Variants in TAS1R1 observed in about 807,000 individuals in gnomAD.
The protein encoded by TAS1R1 is taste receptor type 1 member 1.
TAS1R1 carries 31 observed loss-of-function variants against 45.8 expected under a neutral mutation model. The observed-to-expected ratio is 0.68, with a 90% CI of 0.51 to 0.91. The LOEUF is 0.91. TAS1R1 is among the 40% of genes least tolerant of loss of function. The pLI is 0.00. For missense variants in TAS1R1, 1,051 were observed against 1,063.9 expected, an observed-to-expected ratio of 0.99 and a Z score of 0.17; for synonymous variants, 437 against 448.4, an observed-to-expected ratio of 0.97 and a Z score of 0.32.
intron 1 of TAS1R1, among the ~76,000 whole-genome samples, chr1:6,569,484 A>G (rs1041724588): frequency 6.6e-6 from 1 of 152,222 alleles, no homozygotes; most frequent in African/African-American, 2.4e-5. Context: ...TTGAGGCCAG[A>G]CAGTATTACA....
Position 6,574,952 on chromosome 1 carries a change from T to A in TAS1R1, c.820T>A (p.Phe274Ile). The change falls in exon 3 of 6, where the codon TTT becomes ATT. Residue 274 changes from phenylalanine to isoleucine, a missense_variant. Physicochemically the swap from Phe to Ile is conservative, Grantham distance 21. Transcript: ENST00000333172. This position sits in a 1 kb window ranked among gnomAD's most constrained non-coding sequence, Gnocchi z 4.3. Reference protein sequence around the residue: ...AQAGATVVVVFSSRQLARVFF... With the variant: ...AQAGATVVVVISSRQLARVFF... ...GGCCGGGGCCACCGTCGTGGTTGTT[T>A]TTTCCAGCCGGCAGTTGGCCAGGGT... is the stretch of plus-strand genomic sequence containing the variant. 1 of 1,609,264 alleles carries A rather than the reference T, an allele frequency of 6.2e-7. No individual in the cohort carries two copies. The highest frequency in any genetic ancestry group is 8.5e-7 in the Non-Finnish European group (1 of 1,176,320).
At chr1:6,566,225 T>G (rs971578978) in intron 1 of TAS1R1, among the ~76,000 whole-genome samples, 3 of 152,140 alleles carry the variant, frequency 2.0e-5, no homozygotes, top group Non-Finnish European at 4.4e-5. Flanking sequence ...ACAGTCCCTA[T>G]GAGTTGCTGT....
chr1:6,578,889 T>C lies in TAS1R1; in HGVS notation c.1831T>C (p.Ser611Pro), dbSNP rs200419652. ...GGRLCFLMLG[S>P]LAAGSGSLYG... ...CCGCCTGTGCTTTCTTATGCTGGGC[T>C]CCCTGGCAGCAGGTAGTGGCAGCCT... The change falls in exon 6 of 6, where the codon TCC becomes CCC. Residue 611 changes from serine to proline, a missense_variant. Ser to Pro is a moderately conservative substitution (Grantham distance 74). Coordinates refer to ENST00000333172, the MANE Select transcript of TAS1R1 (RefSeq NM_138697.4). 167 of 1,609,966 alleles carry C rather than the reference T, an allele frequency of 1.0e-4. No individual in the cohort carries two copies. The highest frequency in any genetic ancestry group is 1.3e-4 in the Non-Finnish European group (151 of 1,177,198).
At chr1:6,567,069 C>T (rs1260234982) in intron 1 of TAS1R1, among the ~76,000 whole-genome samples, 1 of 152,110 alleles carries the variant, frequency 6.6e-6, no homozygotes, top group Non-Finnish European at 1.5e-5. Context: ...AAAGGTGATA[C>T]AAGCCTTGAA....
intron 2 of TAS1R1, among the ~76,000 whole-genome samples, chr1:6,573,554 G>A (rs1057209820): frequency 2.3e-4 from 35 of 152,258 alleles, no homozygotes; most frequent in African/African-American, 8.4e-4. Flanking sequence ...CAACCTTTTC[G>A]GCATCAGGGA....
At chr1:6,566,151 G>T (rs1456749561) in intron 1 of TAS1R1, among the ~76,000 whole-genome samples, 1 of 152,188 alleles carries the variant, frequency 6.6e-6, no homozygotes, top group Admixed American at 6.5e-5. Context: ...GGTCTAAGGA[G>T]GTGAGGTCTT....
rs530039642 is a variant in TAS1R1 at position 6,557,445 on chromosome 1, T to C, written c.191+1881T>C. ...ATTTGTTTGTTTATTTGTTTATTTA[T>C]AGAGATGAGGTCTTGCTCTTTCCCC... On this transcript the variant is annotated intron_variant, in intron 1 of 5. Transcript: ENST00000333172. 2.6e-5 allele frequency among the ~76,000 whole-genome samples: 4 copies of C among 152,334 alleles called. No homozygotes were observed. The South Asian group carries it at 6.2e-4, about 24-fold the overall frequency.
chr1:6,579,088 A>C lies in TAS1R1; in HGVS notation c.2030A>C (p.His677Pro). 1 of 1,613,878 alleles carries C rather than the reference A, an allele frequency of 6.2e-7. No homozygotes were observed. Among genetic ancestry groups the C allele is most frequent in the Non-Finnish European group, 8.5e-7 (1 of 1,179,848 alleles). ...PTFYHAWVQN[H>P]GAGLFVMISS... ...TTCTACCACGCCTGGGTCCAAAACC[A>C]CGGTGCTGGCCTGTTTGTGATGATC... The change falls in exon 6 of 6, where the codon CAC (histidine) becomes CCC (proline). Residue 677 changes from histidine to proline, a missense_variant. Coordinates refer to ENST00000333172, the MANE Select transcript of TAS1R1 (RefSeq NM_138697.4).
At position 6,579,364 on chromosome 1, in the gene TAS1R1, A is replaced by C. The variant is rs373379014; in HGVS notation, c.2306A>C (p.Asn769Thr). 14 of 1,613,868 alleles carry C rather than the reference A, an allele frequency of 8.7e-6. No homozygotes were observed. The highest frequency in any genetic ancestry group is 1.2e-5 in the Non-Finnish European group (14 of 1,180,058). The change falls in exon 6 of 6, where the codon AAC (asparagine) becomes ACC (threonine). Residue 769 changes from asparagine to threonine, a missense_variant. Coordinates refer to ENST00000333172, the MANE Select transcript of TAS1R1 (RefSeq NM_138697.4). Reference sequence around the variant, plus strand: ...TGTGTCACCTTCAGCCTGCTCTTCAACTTCGTGTCCTGGATCGCCTTCTTC... The same window carrying C: ...TGTGTCACCTTCAGCCTGCTCTTCACCTTCGTGTCCTGGATCGCCTTCTTC... ...AKCVTFSLLF[N>T]FVSWIAFFTT...
Position 6,579,659 on chromosome 1 carries a change from G to A in TAS1R1, c.*75G>A, listed in dbSNP as rs989640741. On this transcript the variant is annotated 3_prime_UTR_variant, in exon 6 of 6. Transcript: ENST00000333172. ...AAGGTCGAGCAGGCCGGGGGTGTCC[G>A]GGAGGTCTTTGGGCATCGCGGTCTG... 5 of 1,517,834 alleles carry A rather than the reference G, an allele frequency of 3.3e-6. No individual in the cohort carries two copies. The highest frequency in any genetic ancestry group is 4.4e-6 in the Non-Finnish European group (5 of 1,140,588). The allele number at this position is 1,517,834 out of a possible 1,614,324, so 94.0% of individuals were successfully genotyped here. A position where few individuals can be genotyped will look rare whatever the true frequency, so the allele number is the denominator to read the frequency against.
At chr1:6,567,109 G>A (rs1639886766) in intron 1 of TAS1R1, among the ~76,000 whole-genome samples, 1 of 152,180 alleles carries the variant, frequency 6.6e-6, no homozygotes, top group Non-Finnish European at 1.5e-5. Context: ...CCTAGAATGG[G>A]GATGGGTCAA....
chr1:6,558,053 TG>T (rs147978546), intron 1 of TAS1R1, among the ~76,000 whole-genome samples: 115,323 of 146,784 alleles, frequency 0.79, 46,774 homozygotes, highest in Non-Finnish European at 0.87. Flanking sequence ...TTTTTGTTTT[TG>T]TTTTTTTTCT....
chr1:6,572,740 C>A (rs1025827573), intron 2 of TAS1R1, among the ~76,000 whole-genome samples: 1 of 152,160 alleles, frequency 6.6e-6, no homozygotes, highest in Non-Finnish European at 1.5e-5. Flanking sequence ...TTTCCAGTTC[C>A]CAGGCAGGCT....
Position 6,555,426 on chromosome 1 carries a change from G to C in TAS1R1, c.53G>C (p.Cys18Ser). The change falls in exon 1 of 6, where the codon TGC becomes TCC. Residue 18 changes from cysteine to serine, a missense_variant. Coordinates refer to ENST00000333172, the MANE Select transcript of TAS1R1 (RefSeq NM_138697.4). ...GGCCTGCAGCTTCTCATTTCCTGCT[G>C]CTGGGCCTTTGCCTGCCATAGCACG... Reference protein sequence around the residue: ...LVGLQLLISCCWAFACHSTES... With the variant: ...LVGLQLLISCSWAFACHSTES... 1 of 1,607,668 alleles carries C rather than the reference G, an allele frequency of 6.2e-7. No individual in the cohort carries two copies. The highest frequency in any genetic ancestry group is 8.5e-7 in the Non-Finnish European group (1 of 1,177,820).
Position 6,557,357 on chromosome 1 carries a change from A to G in TAS1R1, c.191+1793A>G, listed in dbSNP as rs1639704342. On this transcript the variant is annotated intron_variant, in intron 1 of 5. Transcript: ENST00000333172. ...GAGACTCGGGACAGAAGTGGTAGAA[A>G]CCATGGAAGACCTTCTAACAAGCAA... 2.0e-5 allele frequency among the ~76,000 whole-genome samples: 3 copies of G among 152,168 alleles called. No individual in the cohort carries two copies. The South Asian group carries it at 6.2e-4, about 31-fold the overall frequency.
chr1:6,570,810 A>AGG, intron 1 of TAS1R1, 99 bp from the exon 2 acceptor site: 1 of 1,159,216 alleles, frequency 8.6e-7, no homozygotes, highest in Non-Finnish European at 1.2e-6. Flanking sequence ...CGATGACCTC[A>AGG]AAGGTTCCCT....
At position 6,579,200 on chromosome 1, in the gene TAS1R1, T is replaced by C. The variant is rs148292318; in HGVS notation, c.2142T>C (p.His714=). The C allele has an allele frequency of 6.2e-7, 1 of 1,614,026 alleles. No individual in the cohort carries two copies. The highest frequency in any genetic ancestry group is 1.7e-5 in the Admixed American group (1 of 59,994). Residue 714 remains histidine, a synonymous_variant, in exon 6 of 6, where the codon CAT becomes CAC. Transcript: ENST00000333172. ...LPAREYQRFP[H]LVMLECTETN... ...CTAGGGAATACCAGCGCTTCCCCCATCTGGTGATGCTTGAGTGCACAGAGA... is the reference window on the plus strand; with the variant it reads ...CTAGGGAATACCAGCGCTTCCCCCACCTGGTGATGCTTGAGTGCACAGAGA...
intron 1 of TAS1R1, among the ~76,000 whole-genome samples, chr1:6,558,284 C>G (rs1463173220): frequency 6.6e-6 from 1 of 152,118 alleles, no homozygotes; most frequent in Non-Finnish European, 1.5e-5. Context: ...GCAGTCCTCT[C>G]ACAGTGCTAG....
At position 6,574,970 on chromosome 1, in the gene TAS1R1, G is replaced by A. The variant is rs776967551; in HGVS notation, c.838G>A (p.Ala280Thr). 2.6e-5 allele frequency: 41 copies of A among 1,607,214 alleles called. No homozygotes were observed. In the South Asian group the frequency reaches 4.5e-4, roughly 18 times the overall value. The change falls in exon 3 of 6, where the codon GCC becomes ACC. Residue 280 changes from alanine (A) to threonine (T), a missense_variant. Physicochemically the swap from Ala to Thr is moderately conservative, Grantham distance 58. Transcript: ENST00000333172. The surrounding 1 kb of genome is among the most constrained non-coding windows in gnomAD (Gnocchi z 4.3). ...GGTTGTTTTTTCCAGCCGGCAGTTGGCCAGGGTGTTTTTCGAGTCCGTGGT... is the reference window on the plus strand; with the variant it reads ...GGTTGTTTTTTCCAGCCGGCAGTTGACCAGGGTGTTTTTCGAGTCCGTGGT... The part of the protein sequence containing the change: ...VVVVFSSRQL[A>T]RVFFESVVLT...
Sources: allele counts gnomAD v4.1 joint callset (sites outside exome capture counted in the v4.1 genomes callset), GRCh38; gene constraint gnomAD v4.1.1; non-coding constraint Gnocchi (gnomAD v3.1); transcripts MANE v1.5; gene names NCBI Gene and HGNC (gene_info 2026-07-23, HGNC 2026-07-21).